The following GLI2 variants were observed in gnomAD, a reference collection of about 807,000 sequenced individuals.
The protein encoded by GLI2 is transcription activator GLI2.
GLI2 carries 22 observed loss-of-function variants against 78.9 expected under a neutral mutation model. The ratio of observed to expected loss-of-function variants is 0.28; its 90% CI spans 0.20 to 0.40. GLI2 has a LOEUF of 0.40. Among genes scored for constraint, GLI2 ranks in the 10% least tolerant of loss-of-function variants. The pLI is 1.00. For synonymous variants in GLI2, 974 were observed against 963.7 expected, an observed-to-expected ratio of 1.01 and a Z score of -0.20; for missense variants, 2,097 against 2,213.2, an observed-to-expected ratio of 0.95 and a Z score of 1.05.
At chr2:120,784,724 G>T (rs569553738) in intron 1 of GLI2, among the ~76,000 whole-genome samples, 1 of 152,234 alleles carries the variant, frequency 6.6e-6, no homozygotes, top group Admixed American at 6.5e-5. Context: ...GCTTTAGCAG[G>T]CCTTTCTGGA....
At chr2:120,923,257 C>T (rs1679478164) in intron 2 of GLI2, among the ~76,000 whole-genome samples, 2 of 123,988 alleles carry the variant, frequency 1.6e-5, no homozygotes, top group African/African-American at 5.8e-5. Flanking sequence ...CAACAGCACA[C>T]ACATACACAG....
At chr2:120,955,480 T>G (rs1403939798) in intron 5 of GLI2, 50 bp downstream of exon 5, 2 of 1,234,046 alleles carry the variant, frequency 1.6e-6, no homozygotes, top group Admixed American at 2.4e-5. Flanking sequence ...GATCTCCTCT[T>G]GAGGCTGAGA....
chr2:120,750,332 C>G (rs1682825703), intron 1 of GLI2, among the ~76,000 whole-genome samples: 1 of 152,246 alleles, frequency 6.6e-6, no homozygotes, highest in Non-Finnish European at 1.5e-5. Context: ...GGCCCCAGAG[C>G]CAGTGCTCCC....
intron 12 of GLI2, among the ~76,000 whole-genome samples, chr2:120,985,113 C>G (rs1324527158): frequency 6.6e-6 from 1 of 152,234 alleles, no homozygotes. Flanking sequence ...ATCCCCACCC[C>G]TCTGGCGTCC....
At chr2:120,822,431 C>T (rs903479684) in intron 2 of GLI2, among the ~76,000 whole-genome samples, 1 of 152,204 alleles carries the variant, frequency 6.6e-6, no homozygotes, top group Non-Finnish European at 1.5e-5. Context: ...TGAATCCTGA[C>T]CCTCACAGGG....
At chr2:120,773,540 T>C (rs765419709) in intron 1 of GLI2, among the ~76,000 whole-genome samples, 34 of 152,200 alleles carry the variant, frequency 2.2e-4, no homozygotes, top group Non-Finnish European at 4.0e-4. Flanking sequence ...TGTCTGCGGC[T>C]GCCAGCTGTG....
intron 2 of GLI2, among the ~76,000 whole-genome samples, chr2:120,801,431 G>A (rs778567790): frequency 7.2e-5 from 11 of 152,280 alleles, no homozygotes; most frequent in Non-Finnish European, 1.3e-4. Flanking sequence ...GAGCCACCTT[G>A]GGATTTCACT....
At chr2:120,773,292 A>G (rs1218558902) in intron 1 of GLI2, among the ~76,000 whole-genome samples, 1 of 152,056 alleles carries the variant, frequency 6.6e-6, no homozygotes, top group Non-Finnish European at 1.5e-5. Flanking sequence ...CCCGGGTAGG[A>G]TATCGGTGTG....
chr2:120,916,567 T>A (rs752810146), intron 2 of GLI2, among the ~76,000 whole-genome samples: 12 of 152,280 alleles, frequency 7.9e-5, no homozygotes, highest in Non-Finnish European at 1.5e-4. Context: ...GCTCTCCAGC[T>A]GTGGCAGTGG....
chr2:120,801,060 A>G (rs1241029393), intron 2 of GLI2, among the ~76,000 whole-genome samples: 4 of 151,954 alleles, frequency 2.6e-5, no homozygotes. Flanking sequence ...GAGAGCTTCC[A>G]TTCCACGGCT....
At chr2:120,841,415 G>C (rs186901573) in intron 2 of GLI2, among the ~76,000 whole-genome samples, 92 of 152,336 alleles carry the variant, frequency 6.0e-4, no homozygotes, top group African/African-American at 2.2e-3. Flanking sequence ...GGGCCATCCT[G>C]CACGCTGCTC....
Position 120,988,399 on chromosome 2 carries a change from T to C in GLI2, c.2434T>C (p.Tyr812His). 6.4e-7 allele frequency: 1 copy of C among 1,573,238 alleles called. No homozygotes were observed. The highest frequency in any genetic ancestry group is 2.3e-5 in the East Asian group (1 of 42,666). The stretch of plus-strand genomic sequence containing the variant: ...CCGCCGCTCCTCCGGCATCTCCCCC[T>C]ACTTCTCCAGCCGCCGCTCCAGCGA... Reference protein sequence around the residue: ...VSRRSSGISPYFSSRRSSEAS... With the variant: ...VSRRSSGISPHFSSRRSSEAS... Residue 812 changes from tyrosine (Y) to histidine (H), a missense_variant, in exon 14 of 14, where the codon TAC becomes CAC. By Grantham distance (83) the Tyr-to-His change is moderately conservative. Around this residue, in one of 5 missense-constraint regions of GLI2, gnomAD observed 1,290 missense variants for 1,261.7 expected, o/e 1.02. Coordinates refer to ENST00000361492, the MANE Select transcript of GLI2 (RefSeq NM_001374353.1).
At position 120,980,186 on chromosome 2, in the gene GLI2, A is replaced by T. The variant is rs562799824; in HGVS notation, c.1467+1603A>T. On this transcript the variant is annotated intron_variant, in intron 10 of 13. Transcript: ENST00000361492. ...ACTAGGAGTGGAATTGGTGAGTCGTATGGCAGTTGAGGAACTGCTAGTCTG... is the reference window on the plus strand; with the variant it reads ...ACTAGGAGTGGAATTGGTGAGTCGTTTGGCAGTTGAGGAACTGCTAGTCTG... Among the ~76,000 whole-genome samples the T allele has an allele frequency of 1.5e-4, 23 of 152,324 alleles. No homozygotes were observed. In the East Asian group the frequency reaches 4.4e-3, roughly 29 times the overall value.
intron 1 of GLI2, among the ~76,000 whole-genome samples, chr2:120,792,070 T>A (rs1373814508): frequency 6.6e-6 from 1 of 152,190 alleles, no homozygotes; most frequent in Non-Finnish European, 1.5e-5. Flanking sequence ...ATCTCTCTCC[T>A]GGAGATTGAT....
intron 3 of GLI2, among the ~76,000 whole-genome samples, chr2:120,948,847 G>A (rs1018469343): frequency 6.6e-6 from 1 of 152,182 alleles, no homozygotes; most frequent in African/African-American, 2.4e-5. Context: ...CTCAAACCCT[G>A]GCCGGCATCC....
At chr2:120,838,381 T>C (rs1180168921) in intron 2 of GLI2, among the ~76,000 whole-genome samples, 1 of 152,234 alleles carries the variant, frequency 6.6e-6, no homozygotes, top group Non-Finnish European at 1.5e-5. Flanking sequence ...GATCTTTTAC[T>C]AGTTTTAAAT....
chr2:120,927,596 G>A (rs1343465988), intron 3 of GLI2, 130 bp downstream of exon 3: 1 of 756,064 alleles, frequency 1.3e-6, no homozygotes. Context: ...ATTGTCCTGA[G>A]CGGGCGATCA....
In GLI2 at chr2:120,988,673, TG is replaced by T; in HGVS notation, c.2710del (p.Asp904ThrfsTer73). ...AGCCTGCGGACCAGGCTGGCGCTGC[TG>T]GACGCGCCCGAGCGCACGCTGCCCG... is the stretch of plus-strand genomic sequence containing the variant. ...RMSLRTRLAL[L>X]DAPERTLPAG... On this transcript the variant is annotated frameshift_variant, in exon 14 of 14. Coordinates refer to ENST00000361492, the MANE Select transcript of GLI2 (RefSeq NM_001374353.1). LOFTEE classifies it low-confidence loss of function (END_TRUNC). 7.3e-7 allele frequency: 1 copy of T among 1,360,968 alleles called. No individual in the cohort carries two copies. The highest frequency in any genetic ancestry group is 1.5e-5 in the South Asian group (1 of 66,446). The allele number at this position is 1,360,968 out of a possible 1,614,324, so 84.3% of individuals were successfully genotyped here.
chr2:120,766,293 T>G (rs1321529221), intron 1 of GLI2, among the ~76,000 whole-genome samples: 1 of 152,134 alleles, frequency 6.6e-6, no homozygotes, highest in African/African-American at 2.4e-5. Flanking sequence ...CCAGACAGTG[T>G]GAAGAGCGTC....
Sources: gnomAD v4.1 joint callset for allele counts (sites outside exome capture counted in the v4.1 genomes callset) on GRCh38, gnomAD v4.1.1 for gene constraint, gnomAD v4.1.1 regional missense constraint, MANE v1.5 for transcripts, NCBI Gene and HGNC (gene_info 2026-07-23, HGNC 2026-07-21) for gene names.